Variants in STRN observed in about 807,000 individuals in gnomAD.
STRN encodes the protein protein phosphatase 2 regulatory subunit B'''alpha.
Under a neutral mutation model 96.3 loss-of-function variants are expected in STRN, and 53 were observed. The observed-to-expected ratio is 0.55, with a 90% CI of 0.44 to 0.69. The LOEUF is 0.69. Ranked by LOEUF, STRN falls within the 30% of genes least tolerant of loss-of-function variation. The pLI is 0.00. For missense variants in STRN, 987 were observed against 963.9 expected, an observed-to-expected ratio of 1.02 and a Z score of -0.32; for synonymous variants, 428 against 355.9, an observed-to-expected ratio of 1.20 and a Z score of -2.28.
Position 36,839,653 on chromosome 2 carries a change from C to A in STRN, c.*9803G>T, listed in dbSNP as rs964767942. Among the ~76,000 whole-genome samples, 4 of 152,158 alleles carry A rather than the reference C, an allele frequency of 2.6e-5. No individual in the cohort carries two copies. Among genetic ancestry groups the A allele is most frequent in the Admixed American group, 6.5e-5 (1 of 15,276 alleles). ...GTTGACTTGTCTAAAATCTAACAGA[C>A]AATAAATGTCCTATTGTCCAGGCCA... On this transcript the variant is annotated 3_prime_UTR_variant, in exon 18 of 18. Transcript: ENST00000263918.
At chr2:36,874,994 T>C (rs1051178333) in intron 10 of STRN, among the ~76,000 whole-genome samples, 4 of 151,980 alleles carry the variant, frequency 2.6e-5, no homozygotes, top group Non-Finnish European at 5.9e-5. Flanking sequence ...GAGTATAGAG[T>C]GTACAAAACA....
At chr2:36,873,320 T>G (rs980683159) in intron 10 of STRN, among the ~76,000 whole-genome samples, 5 of 152,210 alleles carry the variant, frequency 3.3e-5, no homozygotes, top group African/African-American at 1.2e-4. Context: ...TACATAAGGA[T>G]GTAAGACAAT....
chr2:36,868,810 T>C (rs1437033886), intron 11 of STRN, among the ~76,000 whole-genome samples: 1 of 152,084 alleles, frequency 6.6e-6, no homozygotes, highest in Non-Finnish European at 1.5e-5. Flanking sequence ...TGTTCAGTGA[T>C]GACTCTTATA....
chr2:36,924,436 T>C (rs995964305), intron 2 of STRN, among the ~76,000 whole-genome samples: 3 of 150,682 alleles, frequency 2.0e-5, no homozygotes, highest in African/African-American at 7.3e-5. Context: ...ATACATCAAA[T>C]TGAATAATAT....
At chr2:36,945,524 G>A (rs1007447900) in intron 1 of STRN, among the ~76,000 whole-genome samples, 1 of 152,096 alleles carries the variant, frequency 6.6e-6, no homozygotes, top group Non-Finnish European at 1.5e-5. Context: ...AAAATTAGCT[G>A]GGTGTGGTGG....
intron 4 of STRN, among the ~76,000 whole-genome samples, chr2:36,905,332 T>C (rs936900226): frequency 4.6e-5 from 7 of 152,234 alleles, no homozygotes; most frequent in Admixed American, 4.6e-4. Flanking sequence ...AGAATAACTT[T>C]AAAGTTATAA....
rs1668062956 is a variant in STRN, at chr2:36,845,946, CACACACTA to C, written c.*3502_*3509del. 1 of 141,790 alleles carries C rather than the reference CACACACTA, an allele frequency of 7.1e-6. No individual in the cohort carries two copies. The highest frequency in any genetic ancestry group is 1.5e-5 in the Non-Finnish European group (1 of 64,884). 8.8% of individuals were successfully genotyped at this position (141,790 alleles called of 1,614,324 possible). ...ACACACACACACACACACACACACACACACACTAACTCTCTCTCTCTCTCTGTGCCCCC... is the reference window on the plus strand; with the variant it reads ...ACACACACACACACACACACACACACACTCTCTCTCTCTCTCTGTGCCCCC... On this transcript the variant is annotated 3_prime_UTR_variant, in exon 18 of 18. Coordinates refer to ENST00000263918, the MANE Select transcript of STRN (RefSeq NM_003162.4).
At chr2:36,860,862 A>T (rs1668461451) in intron 13 of STRN, among the ~76,000 whole-genome samples, 1 of 152,228 alleles carries the variant, frequency 6.6e-6, no homozygotes, top group African/African-American at 2.4e-5. Flanking sequence ...TAAAATAAGA[A>T]AACAACTGTC....
At chr2:36,855,815 G>A (rs1668330858) in intron 14 of STRN, among the ~76,000 whole-genome samples, 1 of 151,964 alleles carries the variant, frequency 6.6e-6, no homozygotes, top group Non-Finnish European at 1.5e-5. Flanking sequence ...ACCATATGAA[G>A]ACAACTCATC....
At chr2:36,870,799 C>T (rs968082696) in intron 10 of STRN, among the ~76,000 whole-genome samples, 1 of 152,074 alleles carries the variant, frequency 6.6e-6, no homozygotes, top group Admixed American at 6.6e-5. Flanking sequence ...CAGCTTTAGA[C>T]AGGTTAGAAG....
chr2:36,844,712 G>C lies in STRN; in HGVS notation c.*4744C>G, dbSNP rs886896996. 6.6e-6 allele frequency: 1 copy of C among 151,932 alleles called. No individual in the cohort carries two copies. Among genetic ancestry groups the C allele is most frequent in the African/African-American group, 2.4e-5 (1 of 41,364 alleles). 9.4% of individuals were successfully genotyped at this position (151,932 alleles called of 1,614,324 possible). ...AAAAAAACAAAACAAAAACTGAAAG[G>C]ATCTGTTAAATACTTTGTCAACCTG... is the stretch of plus-strand genomic sequence containing the variant. On this transcript the variant is annotated 3_prime_UTR_variant, in exon 18 of 18. Coordinates refer to ENST00000263918, the MANE Select transcript of STRN (RefSeq NM_003162.4).
intron 1 of STRN, among the ~76,000 whole-genome samples, chr2:36,932,150 C>T (rs1670591439): frequency 6.6e-6 from 1 of 151,250 alleles, no homozygotes; most frequent in African/African-American, 2.4e-5. Context: ...GGTATTTATT[C>T]TACAGCTAGT....
intron 15 of STRN, among the ~76,000 whole-genome samples, chr2:36,853,016 A>G (rs1031963701): frequency 2.0e-5 from 3 of 152,068 alleles, no homozygotes; most frequent in South Asian, 2.1e-4. Context: ...AATGAACCAG[A>G]TATGGTGGCA....
chr2:36,869,673 T>C lies in STRN; in HGVS notation c.1380A>G (p.Arg460=), dbSNP rs771325824. The C allele has an allele frequency of 6.2e-7, 1 of 1,612,036 alleles. No homozygotes were observed. Among genetic ancestry groups the C allele is most frequent in the African/African-American group, 1.3e-5 (1 of 74,846 alleles). ...RKTWNPKFTL[R]SHFDGIRALA... ...GGGCTCGGATGCCATCAAAGTGACTTCTCAATGTAAACTTAGGGTTCCATG... is the reference window on the plus strand; with the variant it reads ...GGGCTCGGATGCCATCAAAGTGACTCCTCAATGTAAACTTAGGGTTCCATG... The change falls in exon 11 of 18, where the codon AGA becomes AGG. Residue 460 remains arginine, a synonymous_variant. Coordinates refer to ENST00000263918, the MANE Select transcript of STRN (RefSeq NM_003162.4).
chr2:36,950,649 C>T (rs1439603829), intron 1 of STRN, among the ~76,000 whole-genome samples: 3 of 152,222 alleles, frequency 2.0e-5, no homozygotes, highest in Non-Finnish European at 4.4e-5. Context: ...ATGGTATCCC[C>T]AGTGCCTAGG....
At chr2:36,900,876 G>C (rs769277282) in intron 5 of STRN, among the ~76,000 whole-genome samples, 2 of 151,976 alleles carry the variant, frequency 1.3e-5, no homozygotes, top group Non-Finnish European at 2.9e-5. Flanking sequence ...CCAGGTGACA[G>C]AGTGAGACTC....
chr2:36,849,836 C>G, intron 16 of STRN, 36 bp from the exon 17 acceptor site: 1 of 1,589,082 alleles, frequency 6.3e-7, no homozygotes. Flanking sequence ...TTATTAATGC[C>G]TTTCCTCATC....
intron 9 of STRN, among the ~76,000 whole-genome samples, chr2:36,879,221 C>G (rs1227131147): frequency 6.6e-6 from 1 of 152,012 alleles, no homozygotes; most frequent in Non-Finnish European, 1.5e-5. Flanking sequence ...CAGGCGCCTG[C>G]CACCATGCCT....
At chr2:36,854,623 G>C (rs529547599) in intron 15 of STRN, among the ~76,000 whole-genome samples, 51 of 152,286 alleles carry the variant, frequency 3.3e-4, no homozygotes, top group Admixed American at 2.7e-3. Context: ...AAGAGTATAT[G>C]TATGTCGTAT....
Sources: gnomAD v4.1 joint callset for allele counts (sites outside exome capture counted in the v4.1 genomes callset) on GRCh38, gnomAD v4.1.1 for gene constraint, MANE v1.5 for transcripts, NCBI Gene and HGNC (gene_info 2026-07-23, HGNC 2026-07-21) for gene names.